The following CIB4 variants were observed in gnomAD, a reference collection of about 807,000 sequenced individuals.
The protein encoded by CIB4 is calcium and integrin-binding family member 4.
Under a neutral mutation model 25.8 loss-of-function variants are expected in CIB4, and 25 were observed. The ratio of observed to expected loss-of-function variants is 0.97; its 90% confidence interval spans 0.71 to 1.35. The LOEUF (loss-of-function observed/expected upper bound fraction) is 1.35, where lower values mean the gene tolerates loss of function less well. Among genes scored for constraint, CIB4 ranks in the 40% most tolerant of loss-of-function variants. CIB4 has a pLI of 0.00. For synonymous variants in CIB4, 75 were observed against 81.4 expected (o/e 0.92, Z 0.42); for missense variants, 235 against 228.2 (o/e 1.03, Z -0.19).
intron 3 of CIB4, among the ~76,000 whole-genome samples, chr2:26,623,037 T>G (rs1459616542): frequency 2.0e-5 from 3 of 151,598 alleles, no homozygotes; most frequent in African/African-American, 7.3e-5. Flanking sequence ...TAAAAAAAAT[T>G]TTTTTTAATT....
chr2:26,591,792 C>A (rs1668591392), intron 4 of CIB4, among the ~76,000 whole-genome samples: 1 of 152,206 alleles, frequency 6.6e-6, no homozygotes. Flanking sequence ...AAGCAAGTGG[C>A]CAGGTTGAGA....
At chr2:26,625,673 C>T (rs543201759) in intron 3 of CIB4, among the ~76,000 whole-genome samples, 7 of 152,352 alleles carry the variant, frequency 4.6e-5, no homozygotes, top group South Asian at 2.1e-4. Flanking sequence ...GCTCCACCCC[C>T]CCACTGCTTC....
At chr2:26,601,725 G>T (rs533585106) in intron 3 of CIB4, among the ~76,000 whole-genome samples, 1 of 151,866 alleles carries the variant, frequency 6.6e-6, no homozygotes, top group African/African-American at 2.4e-5. Context: ...ACAATGAAAA[G>T]GCAAGCCATA....
rs1203623744 is a variant in CIB4 at position 26,601,232 on chromosome 2, ATATATATATATATAT to A, written c.187-5930_187-5916del. Among the ~76,000 whole-genome samples, 74 of 45,374 alleles carry A rather than the reference ATATATATATATATAT, an allele frequency of 1.6e-3. 5 individuals carry two copies. The highest frequency in any genetic ancestry group is 6.4e-3 in the East Asian group (17 of 2,660). The allele number at this position is 45,374 out of a possible 152,430, so 29.8% of individuals were successfully genotyped here. On this transcript the variant is annotated intron_variant, in intron 3 of 6. Transcript: ENST00000288861. ...GAGACCATGTCAAAAAAAAAAAAAA[ATATATATATATATAT>A]ATATATATATATATATATATATGCA...
At chr2:26,599,566 G>A (rs960555360) in intron 3 of CIB4, among the ~76,000 whole-genome samples, 1 of 151,798 alleles carries the variant, frequency 6.6e-6, no homozygotes, top group African/African-American at 2.4e-5. Flanking sequence ...ACAAAAATAC[G>A]CTAGTGACTC....
chr2:26,629,952 A>G (rs1447999955), intron 2 of CIB4, among the ~76,000 whole-genome samples: 1 of 152,128 alleles, frequency 6.6e-6, no homozygotes, highest in Non-Finnish European at 1.5e-5. Flanking sequence ...CAACCCAAGA[A>G]AAGAGGTCAC....
chr2:26,589,096 T>C (rs150114300), intron 4 of CIB4, among the ~76,000 whole-genome samples: 7,350 of 60,504 alleles, frequency 0.12, 1,358 homozygotes, highest in East Asian at 0.25. Flanking sequence ...CTTCTTCTTC[T>C]TCTTCTTCTT....
intron 3 of CIB4, among the ~76,000 whole-genome samples, chr2:26,622,456 G>A (rs1424991956): frequency 6.6e-6 from 1 of 152,132 alleles, no homozygotes; most frequent in African/African-American, 2.4e-5. Flanking sequence ...AGGGGAACAA[G>A]GAGTGAGGAA....
intron 3 of CIB4, among the ~76,000 whole-genome samples, chr2:26,619,550 C>T (rs1669162357): frequency 6.6e-6 from 1 of 152,188 alleles, no homozygotes; most frequent in Admixed American, 6.5e-5. Context: ...CTCACTCCCT[C>T]CTGACACCTG....
At chr2:26,600,211 A>C (rs1148969) in intron 3 of CIB4, among the ~76,000 whole-genome samples, 133,646 of 141,182 alleles carry the variant, frequency 0.95, 64,038 homozygotes, top group East Asian at 1. Flanking sequence ...TCAAGACCAG[A>C]CTGGTCAATG....
intron 4 of CIB4, among the ~76,000 whole-genome samples, chr2:26,586,989 G>A (rs77202230): frequency 0.015 from 2,346 of 152,170 alleles, 67 homozygotes; most frequent in African/African-American, 0.054. Context: ...GACACTGAGA[G>A]CTTTAGAATA....
intron 4 of CIB4, among the ~76,000 whole-genome samples, chr2:26,587,867 C>T (rs1558553932): frequency 6.6e-6 from 1 of 152,234 alleles, no homozygotes; most frequent in Non-Finnish European, 1.5e-5. Context: ...TTTCCATACT[C>T]ATTTCTACTA....
At chr2:26,622,891 A>G (rs1669232398) in intron 3 of CIB4, among the ~76,000 whole-genome samples, 1 of 151,984 alleles carries the variant, frequency 6.6e-6, no homozygotes, top group East Asian at 1.9e-4. Context: ...GCTGGGGCAG[A>G]AGAATTGCTT....
chr2:26,601,231 A>AAAAAAAAAAAAAAAT (rs1395827334), intron 3 of CIB4, among the ~76,000 whole-genome samples: 8 of 17,238 alleles, frequency 4.6e-4, no homozygotes, highest in Non-Finnish European at 9.8e-4. Flanking sequence ...AAAAAAAAAA[A>AAAAAAAAAAAAAAAT]ATATATATAT....
At chr2:26,634,744 C>A (rs1669498410) in intron 2 of CIB4, among the ~76,000 whole-genome samples, 1 of 152,192 alleles carries the variant, frequency 6.6e-6, no homozygotes, top group South Asian at 2.1e-4. Context: ...CAGGACAGGG[C>A]CATGGAGTCT....
intron 4 of CIB4, among the ~76,000 whole-genome samples, chr2:26,587,741 T>C (rs1364660094): frequency 6.6e-6 from 1 of 152,246 alleles, no homozygotes; most frequent in Non-Finnish European, 1.5e-5. Flanking sequence ...ATATCTTTTA[T>C]ACTAAGAGGC....
chr2:26,595,092 C>G (rs1668654472), intron 4 of CIB4, 84 bp downstream of exon 4: 4 of 1,373,370 alleles, frequency 2.9e-6, no homozygotes, highest in Non-Finnish European at 4.1e-6. Flanking sequence ...TGCCATCCAT[C>G]AATGAACTGA....
At chr2:26,639,531 A>G (rs895175966) in intron 2 of CIB4, among the ~76,000 whole-genome samples, 3 of 152,100 alleles carry the variant, frequency 2.0e-5, no homozygotes, top group Non-Finnish European at 4.4e-5. Flanking sequence ...GAAAATTTCA[A>G]TAGAGGTTAT....
At chr2:26,600,510 G>A (rs184873430) in intron 3 of CIB4, among the ~76,000 whole-genome samples, 54 of 152,322 alleles carry the variant, frequency 3.5e-4, no homozygotes, top group African/African-American at 1.2e-3. Flanking sequence ...GAAAGAGGTA[G>A]ATGAAGGTGT....
Sources: gnomAD v4.1 joint callset for allele counts (sites outside exome capture counted in the v4.1 genomes callset) on GRCh38, gnomAD v4.1.1 for gene constraint, MANE v1.5 for transcripts, NCBI Gene and HGNC (gene_info 2026-07-23, HGNC 2026-07-21) for gene names.